The following KCNA6 variants were observed in gnomAD, a reference collection of about 807,000 sequenced individuals.
KCNA6 encodes potassium voltage-gated channel subfamily A member 6.
KCNA6 carries 17 observed loss-of-function variants against 29.5 expected under a neutral mutation model. The observed-to-expected ratio is 0.58, with a 90% CI of 0.39 to 0.86. The LOEUF (loss-of-function observed/expected upper bound fraction) is 0.86. Ranked by LOEUF, KCNA6 falls within the 40% of genes least tolerant of loss-of-function variation. The pLI is 0.00. For synonymous variants in KCNA6, 296 were observed against 304.7 expected, an observed-to-expected ratio of 0.97 and a Z score of 0.30; for missense variants, 450 against 703.4, an observed-to-expected ratio of 0.64 and a Z score of 4.07.
Position 4,811,197 on chromosome 12 carries a change from G to A in KCNA6, c.1156G>A (p.Gly386Arg). The A allele has an allele frequency of 3.1e-6, 5 of 1,614,216 alleles. No homozygotes were observed. Among genetic ancestry groups the A allele is most frequent in the Non-Finnish European group, 3.4e-6 (4 of 1,180,030 alleles). Reference sequence around the variant, plus strand: ...GCTGCTCATCTTCTTCCTCTTCATCGGGGTCATCCTCTTCTCCAGTGCCGT... The same window carrying A: ...GCTGCTCATCTTCTTCCTCTTCATCAGGGTCATCCTCTTCTCCAGTGCCGT... Residue 386 changes from glycine (G) to arginine (R), a missense_variant, in exon 1 of 1, where the codon GGG becomes AGG. Gly to Arg is a moderately radical substitution (Grantham distance 125). This residue lies in a region of KCNA6 where 57 missense variants were observed against 140.3 expected (regional missense o/e 0.41). Coordinates refer to ENST00000280684, the Ensembl canonical transcript of KCNA6. This position sits in a 1 kb window ranked among gnomAD's most constrained non-coding sequence, Gnocchi z 7.1.
At chr12:4,835,270 G>A in the KCNA6 span, among the ~76,000 whole-genome samples, 2 of 146,668 alleles carry the variant, frequency 1.4e-5, no homozygotes, top group African/African-American at 5.2e-5. Context: ...GAGTAGCTGG[G>A]ACTACAGGCA....
At chr12:4,839,653 T>A in the KCNA6 span, among the ~76,000 whole-genome samples, 1 of 152,216 alleles carries the variant, frequency 6.6e-6, no homozygotes, top group African/African-American at 2.4e-5. Context: ...AAATAACTAT[T>A]CAGGAAACAA....
the KCNA6 span, among the ~76,000 whole-genome samples, chr12:4,818,506 G>A: frequency 6.6e-6 from 1 of 152,176 alleles, no homozygotes; most frequent in Non-Finnish European, 1.5e-5. Context: ...TGTATGTACA[G>A]TGTTTAAATG....
chr12:4,822,447 G>A, the KCNA6 span, among the ~76,000 whole-genome samples: 1 of 152,098 alleles, frequency 6.6e-6, no homozygotes. Flanking sequence ...AGAAATGAAG[G>A]CTGCTTGCTG....
At position 4,811,353 on chromosome 12, in the gene KCNA6, G is replaced by A; in HGVS notation, c.1312G>A (p.Val438Met). 1.2e-6 allele frequency: 2 copies of A among 1,613,920 alleles called. No homozygotes were observed. Among genetic ancestry groups the A allele is most frequent in the Non-Finnish European group, 1.7e-6 (2 of 1,179,782 alleles). ...CCCCATGACTGTGGGGGGAAAGATC[G>A]TGGGCTCGCTGTGTGCCATCGCTGG... Residue 438 changes from valine (V) to methionine (M), a missense_variant, in exon 1 of 1, where the codon GTG becomes ATG. Val to Met is a conservative substitution (Grantham distance 21). Coordinates refer to ENST00000280684, the Ensembl canonical transcript of KCNA6. This position sits in a 1 kb window ranked among gnomAD's most constrained non-coding sequence, Gnocchi z 7.1.
the KCNA6 span, among the ~76,000 whole-genome samples, chr12:4,820,054 G>T: frequency 6.6e-6 from 1 of 152,136 alleles, no homozygotes; most frequent in East Asian, 1.9e-4. Context: ...GAGAAAGGCA[G>T]GGTCCCTGCC....
the KCNA6 span, among the ~76,000 whole-genome samples, chr12:4,837,241 A>G: frequency 6.6e-6 from 1 of 152,244 alleles, no homozygotes; most frequent in Non-Finnish European, 1.5e-5. Flanking sequence ...GCACACCCCA[A>G]TAGGGCATAG....
At chr12:4,812,008 G>C (rs1048620876) in exon 1 of KCNA6, 2 of 212,758 alleles carry the variant, frequency 9.4e-6, no homozygotes, top group African/African-American at 2.3e-5. Flanking sequence ...CTGAGTCTTC[G>C]CTCCCTCCTT....
the KCNA6 span, among the ~76,000 whole-genome samples, chr12:4,848,212 C>T: frequency 6.6e-6 from 1 of 150,452 alleles, no homozygotes; most frequent in Non-Finnish European, 1.5e-5. Context: ...TGTCCACCTG[C>T]AACCAGTTTT....
the KCNA6 span, among the ~76,000 whole-genome samples, chr12:4,824,591 C>T: frequency 6.6e-6 from 1 of 152,176 alleles, no homozygotes; most frequent in African/African-American, 2.4e-5. Flanking sequence ...TCCCCGAGAT[C>T]AGCGAGAACT....
the KCNA6 span, among the ~76,000 whole-genome samples, chr12:4,818,578 G>A: frequency 2.0e-5 from 3 of 152,092 alleles, no homozygotes; most frequent in Non-Finnish European, 4.4e-5. Flanking sequence ...GCTAGGCTTT[G>A]TTTTTTTCTT....
downstream of KCNA6, among the ~76,000 whole-genome samples, chr12:4,818,337 G>A (rs535681011): frequency 3.9e-5 from 6 of 152,256 alleles, no homozygotes; most frequent in Non-Finnish European, 7.3e-5. Context: ...TAAGAGCATA[G>A]TTGCTGGAGC....
the KCNA6 span, among the ~76,000 whole-genome samples, chr12:4,844,099 C>T: frequency 3.4e-3 from 512 of 152,238 alleles, 6 homozygotes; most frequent in African/African-American, 0.011. The surrounding 1 kb of genome is among the most constrained non-coding windows in gnomAD (Gnocchi z 4.0). Context: ...TAAATGCAGA[C>T]GTTGCTATTT....
chr12:4,810,327 A>G lies in KCNA6; in HGVS notation c.286A>G (p.Ile96Val). ...CCGCAACCGGCCCAGCTTCGACGCC[A>G]TCCTCTACTACTACCAGTCTGGGGG... Residue 96 changes from isoleucine to valine, a missense_variant, in exon 1 of 1, where the codon ATC becomes GTC. This residue lies in a region of KCNA6 where 133 missense variants were observed against 217.5 expected (regional missense o/e 0.61). Transcript: ENST00000280684. This position sits in a 1 kb window ranked among gnomAD's most constrained non-coding sequence, Gnocchi z 7.5. 1 of 1,614,104 alleles carries G rather than the reference A, an allele frequency of 6.2e-7. No individual in the cohort carries two copies. Among genetic ancestry groups the G allele is most frequent in the East Asian group, 2.2e-5 (1 of 44,872 alleles).
At chr12:4,827,224 C>CCTTCCTTCCTTG in the KCNA6 span, among the ~76,000 whole-genome samples, 3 of 144,478 alleles carry the variant, frequency 2.1e-5, no homozygotes, top group Non-Finnish European at 4.6e-5. Context: ...TTCCTTCCTT[C>CCTTCCTTCCTTG]CTTCCTCCTT....
chr12:4,843,173 A>T, the KCNA6 span, among the ~76,000 whole-genome samples: 1 of 136,932 alleles, frequency 7.3e-6, no homozygotes, highest in African/African-American at 2.8e-5. Context: ...TCATGTTTTT[A>T]AAAATTCTTT....
rs1946625803 is a variant in KCNA6 at position 4,811,052 on chromosome 12, C to G, written c.1011C>G (p.Ser337=). The change falls in exon 1 of 1, where the codon TCC becomes TCG. Residue 337 remains serine, a synonymous_variant. Coordinates refer to ENST00000280684, the Ensembl canonical transcript of KCNA6. This position sits in a 1 kb window ranked among gnomAD's most constrained non-coding sequence, Gnocchi z 7.1. Reference sequence around the variant, plus strand: ...GCCAGAATGGGCAGCAGGCCATGTCCCTGGCCATCCTCCGAGTCATCCGCC... The same window carrying G: ...GCCAGAATGGGCAGCAGGCCATGTCGCTGGCCATCCTCCGAGTCATCCGCC... 6.2e-7 allele frequency: 1 copy of G among 1,614,224 alleles called. No homozygotes were observed.
chr12:4,811,710 T>C lies in KCNA6; in HGVS notation c.*79T>C. 1 of 1,503,540 alleles carries C rather than the reference T, an allele frequency of 6.7e-7. No homozygotes were observed. The allele number at this position is 1,503,540 out of a possible 1,614,324, so 93.1% of individuals were successfully genotyped here. A position where few individuals can be genotyped will look rare whatever the true frequency, so the allele number is the denominator to read the frequency against. ...CTTCCTTCTCATTTCCACTACTCACTCTAGCTTCAGTTGACTTCTTGACTC... is the reference window on the plus strand; with the variant it reads ...CTTCCTTCTCATTTCCACTACTCACCCTAGCTTCAGTTGACTTCTTGACTC... On this transcript the variant is annotated 3_prime_UTR_variant, in exon 1 of 1. Transcript: ENST00000280684. This position sits in a 1 kb window ranked among gnomAD's most constrained non-coding sequence, Gnocchi z 7.1.
chr12:4,827,737 C>T, the KCNA6 span, among the ~76,000 whole-genome samples: 1 of 152,200 alleles, frequency 6.6e-6, no homozygotes, highest in Non-Finnish European at 1.5e-5. Flanking sequence ...ACAGCTCTGC[C>T]CTGGGAAGCT....
Sources: allele counts gnomAD v4.1 joint callset (sites outside exome capture counted in the v4.1 genomes callset), GRCh38; gene constraint gnomAD v4.1.1; regional missense constraint gnomAD v4.1.1; non-coding constraint Gnocchi (gnomAD v3.1); transcripts MANE v1.5; gene names NCBI Gene and HGNC (gene_info 2026-07-23, HGNC 2026-07-21).